PPDPF: variants seen among roughly 807,000 people sequenced by gnomAD.
PPDPF encodes pancreatic progenitor cell differentiation and proliferation factor.
PPDPF carries 11 observed loss-of-function variants against 6.3 expected under a neutral mutation model. The ratio of observed to expected loss-of-function variants is 1.76; its 90% confidence interval spans 1.11 to 2.91. The LOEUF (loss-of-function observed/expected upper bound fraction) is 2.91, where lower values mean the gene tolerates loss of function less well. Ranked by LOEUF, PPDPF falls within the 30% of genes most tolerant of loss-of-function variation. The pLI, the probability that PPDPF is intolerant of heterozygous loss-of-function variation, is 0.00. For synonymous variants in PPDPF, 86 were observed against 64.5 expected, an observed-to-expected ratio of 1.33 and a Z score of -1.60; for missense variants, 202 against 159.4, an observed-to-expected ratio of 1.27 and a Z score of -1.44.
rs1359500716 is a variant in PPDPF at position 63,521,312 on chromosome 20, G to A, written c.4G>A (p.Ala2Thr). M[A>T]AIPSSGSLVA... is the part of the protein sequence containing the mutation. ...CCACCAGCCAGCAAGCTAAAGCATG[G>A]CGGCCATCCCCTCCAGCGGCTCGCT... is the stretch of plus-strand genomic sequence containing the variant. Residue 2 changes from alanine to threonine, a missense_variant, in exon 2 of 4, where the codon GCG becomes ACG. Coordinates refer to ENST00000370179, the MANE Select transcript of PPDPF (RefSeq NM_024299.4). 6.2e-7 allele frequency: 1 copy of A among 1,610,242 alleles called. No homozygotes were observed. Among genetic ancestry groups the A allele is most frequent in the Non-Finnish European group, 8.5e-7 (1 of 1,178,836 alleles).
chr20:63,521,647 ACC>A lies in PPDPF; in HGVS notation c.134-18_134-17del. On this transcript the variant is annotated intron_variant, in intron 3 of 3. Coordinates refer to ENST00000370179, the MANE Select transcript of PPDPF (RefSeq NM_024299.4). ...TCCTCCAGGAGCTGGCAGCATCAAG[ACC>A]CCACTTCGCTTCTCTCAGGTCTCCC... 3 of 1,612,282 alleles carry A rather than the reference ACC, an allele frequency of 1.9e-6. No homozygotes were observed. The highest frequency in any genetic ancestry group is 2.5e-6 in the Non-Finnish European group (3 of 1,179,614).
chr20:63,521,106 C>A (rs1465543830), intron 1 of PPDPF, among the ~76,000 whole-genome samples, 178 bp from the exon 2 acceptor site: 1 of 152,074 alleles, frequency 6.6e-6, no homozygotes, highest in Non-Finnish European at 1.5e-5. Context: ...CTTTGTTCCA[C>A]CCGCTCGGCC....
intron 1 of PPDPF, 83 bp downstream of exon 1, chr20:63,520,977 C>A: frequency 1.0e-6 from 1 of 997,228 alleles, no homozygotes; most frequent in Non-Finnish European, 1.2e-6. Flanking sequence ...GGCTCCTCTC[C>A]TCTCCGCCTG....
chr20:63,521,417 G>GC, intron 2 of PPDPF, 54 bp downstream of exon 2: 3 of 1,589,966 alleles, frequency 1.9e-6, no homozygotes, highest in Non-Finnish European at 2.6e-6. Context: ...GCCAGTGCCG[G>GC]CCCCGTGCAG....
chr20:63,522,147 A>C lies in PPDPF; in HGVS notation c.*268A>C. On this transcript the variant is annotated 3_prime_UTR_variant, in exon 4 of 4. Coordinates refer to ENST00000370179, the MANE Select transcript of PPDPF (RefSeq NM_024299.4). ...TGCACCTGGCACCAAGCGGAAAATA[A>C]ACTCCAAGCAGCCAGTAGCCCCGAT... 3.9e-6 allele frequency: 2 copies of C among 516,736 alleles called. No homozygotes were observed. Among genetic ancestry groups the C allele is most frequent in the Non-Finnish European group, 7.2e-6 (2 of 278,634 alleles). The allele number at this position is 516,736 out of a possible 1,614,324, so 32.0% of individuals were successfully genotyped here.
At position 63,521,333 on chromosome 20, in the gene PPDPF, T is replaced by C. The variant is rs768798842; in HGVS notation, c.25T>C (p.Ser9Pro). Residue 9 changes from serine (S) to proline (P), a missense_variant, in exon 2 of 4, where the codon TCG (serine) becomes CCG (proline). By Grantham distance (74) the Ser-to-Pro change is moderately conservative. Coordinates refer to ENST00000370179, the MANE Select transcript of PPDPF (RefSeq NM_024299.4). ...CATGGCGGCCATCCCCTCCAGCGGC[T>C]CGCTCGTGGCCACCCACGACTACTA... is the stretch of plus-strand genomic sequence containing the variant. The part of the protein sequence containing the change: MAAIPSSG[S>P]LVATHDYYRR... 10 of 1,609,426 alleles carry C rather than the reference T, an allele frequency of 6.2e-6. No homozygotes were observed. Among genetic ancestry groups the C allele is most frequent in the Non-Finnish European group, 8.5e-6 (10 of 1,178,736 alleles).
Position 63,521,987 on chromosome 20 carries a change from C to T in PPDPF, c.*108C>T, listed in dbSNP as rs1281966500. The T allele has an allele frequency of 9.9e-6, 8 of 806,610 alleles. No homozygotes were observed. Among genetic ancestry groups the T allele is most frequent in the South Asian group, 1.7e-5 (1 of 58,660 alleles). 50.0% of individuals were successfully genotyped at this position (806,610 alleles called of 1,614,324 possible). On this transcript the variant is annotated 3_prime_UTR_variant, in exon 4 of 4. Coordinates refer to ENST00000370179, the MANE Select transcript of PPDPF (RefSeq NM_024299.4). ...CCCTCGCCCCCCTCCCCACCTCCCACCCCCCACCCTGTAAACTAGGCGGCT... is the reference window on the plus strand; with the variant it reads ...CCCTCGCCCCCCTCCCCACCTCCCATCCCCCACCCTGTAAACTAGGCGGCT...
chr20:63,521,563 C>T lies in PPDPF; in HGVS notation c.107C>T (p.Pro36Leu). Residue 36 changes from proline to leucine, a missense_variant, in exon 3 of 4, where the codon CCC (proline) becomes CTC (leucine). By Grantham distance (98) the Pro-to-Leu change is moderately conservative (BLOSUM62 -3). Coordinates refer to ENST00000370179, the MANE Select transcript of PPDPF (RefSeq NM_024299.4). ...AGCTCCTGCAGCAGTACCGAGTGCC[C>T]CGGGGAAGCCATTCCCCACCCCCCA... The part of the protein sequence containing the change: ...SNSSCSSTEC[P>L]GEAIPHPPGL... The T allele has an allele frequency of 1.9e-6, 3 of 1,606,876 alleles. No individual in the cohort carries two copies. The highest frequency in any genetic ancestry group is 2.5e-6 in the Non-Finnish European group (3 of 1,176,484).
intron 1 of PPDPF, 119 bp downstream of exon 1, chr20:63,521,013 G>A: frequency 1.2e-6 from 1 of 822,812 alleles, no homozygotes; most frequent in Non-Finnish European, 1.6e-6. Context: ...GGGGTCCCCG[G>A]CGGGCTCCTC....
In PPDPF at chr20:63,521,334, C is replaced by G. The variant is rs138230076; in HGVS notation, c.26C>G (p.Ser9Trp). The part of the protein sequence containing the change: MAAIPSSG[S>W]LVATHDYYRR... The stretch of plus-strand genomic sequence containing the variant: ...ATGGCGGCCATCCCCTCCAGCGGCT[C>G]GCTCGTGGCCACCCACGACTACTAC... Residue 9 changes from serine to tryptophan, a missense_variant, in exon 2 of 4, where the codon TCG (serine) becomes TGG (tryptophan). Ser to Trp is a radical substitution (Grantham distance 177, BLOSUM62 -3). Coordinates refer to ENST00000370179, the MANE Select transcript of PPDPF (RefSeq NM_024299.4). The G allele has an allele frequency of 3.7e-6, 6 of 1,609,360 alleles. No individual in the cohort carries two copies. In the Admixed American group the frequency reaches 5.0e-5, roughly 13 times the overall value.
At position 63,521,674 on chromosome 20, in the gene PPDPF, C is replaced by T. The variant is rs2082548481; in HGVS notation, c.140C>T (p.Pro47Leu). Residue 47 changes from proline (P) to leucine (L), a missense_variant, in exon 4 of 4, where the codon CCC becomes CTC. Transcript: ENST00000370179. The part of the protein sequence containing the change: ...GEAIPHPPGL[P>L]KADPGHWWAS... ...CCCACTTCGCTTCTCTCAGGTCTCC[C>T]CAAGGCTGACCCGGGTCATTGGTGG... The T allele has an allele frequency of 1.9e-6, 3 of 1,613,390 alleles. No individual in the cohort carries two copies. Among genetic ancestry groups the T allele is most frequent in the African/African-American group, 2.7e-5 (2 of 74,926 alleles).
intron 1 of PPDPF, 83 bp downstream of exon 1, chr20:63,520,977 C>T (rs2082539169): frequency 4.0e-6 from 4 of 997,228 alleles, no homozygotes; most frequent in African/African-American, 3.4e-5. Context: ...GGCTCCTCTC[C>T]TCTCCGCCTG....
rs1415130781 is a variant in PPDPF, at chr20:63,521,517, C to G, written c.61C>G (p.Leu21Val). The stretch of plus-strand genomic sequence containing the variant: ...ACGGGACCTCTCCTCTCCAGGCCGC[C>G]TGGGTTCCACTTCCAGCAACAGCTC... Reference protein sequence around the residue: ...VATHDYYRRRLGSTSSNSSCS... With the variant: ...VATHDYYRRRVGSTSSNSSCS... Residue 21 changes from leucine (L) to valine (V), a missense_variant, in exon 3 of 4, where the codon CTG (leucine) becomes GTG (valine). Coordinates refer to ENST00000370179, the MANE Select transcript of PPDPF (RefSeq NM_024299.4). 2 of 1,578,108 alleles carry G rather than the reference C, an allele frequency of 1.3e-6. No homozygotes were observed. Among genetic ancestry groups the G allele is most frequent in the Non-Finnish European group, 1.7e-6 (2 of 1,160,778 alleles).
chr20:63,521,894 A>G lies in PPDPF; in HGVS notation c.*15A>G. On this transcript the variant is annotated 3_prime_UTR_variant, in exon 4 of 4. Coordinates refer to ENST00000370179, the MANE Select transcript of PPDPF (RefSeq NM_024299.4). The stretch of plus-strand genomic sequence containing the variant: ...CCCCGTCCTGACCTGAGCGGTTACC[A>G]CCAGCCCCAGGCCTGCGGAGGCGCT... The G allele has an allele frequency of 6.4e-7, 1 of 1,558,570 alleles. No individual in the cohort carries two copies. The highest frequency in any genetic ancestry group is 8.7e-7 in the Non-Finnish European group (1 of 1,152,724).
At chr20:63,520,922 G>A (rs1370455492) in intron 1 of PPDPF, 28 bp downstream of exon 1, 7 of 1,008,718 alleles carry the variant, frequency 6.9e-6, no homozygotes, top group East Asian at 9.7e-5. Flanking sequence ...CGGGTGGGAC[G>A]AGCAGGCCCG....
upstream of PPDPF, chr20:63,520,749 G>T (rs1179112758): frequency 1.0e-6 from 1 of 972,660 alleles, no homozygotes; most frequent in Non-Finnish European, 1.2e-6. Context: ...ATAAGTGGGC[G>T]CGTCCGCGCG....
At chr20:63,521,139 C>G in intron 1 of PPDPF, 145 bp from the exon 2 acceptor site, 1 of 916,378 alleles carries the variant, frequency 1.1e-6, no homozygotes, top group Non-Finnish European at 1.6e-6. Flanking sequence ...TTGGAGCCGC[C>G]CGCGCCCCGC....
Position 63,521,762 on chromosome 20 carries a change from G to A in PPDPF, c.228G>A (p.Glu76=), listed in dbSNP as rs372695699. The stretch of plus-strand genomic sequence containing the variant: ...TGGCCACGGTGTTGGAGTCCGCAGA[G>A]CACTCGGAACCTCCCCAGGCCTCCA... ...PFMATVLESA[E]HSEPPQASSS... is the part of the protein sequence containing the mutation. The change falls in exon 4 of 4, where the codon GAG becomes GAA. Residue 76 remains glutamate, a synonymous_variant. Transcript: ENST00000370179. 6.2e-6 allele frequency: 10 copies of A among 1,612,924 alleles called. No individual in the cohort carries two copies. The African/African-American group carries it at 8.0e-5, about 13-fold the overall frequency.
rs1445211671 is a variant in PPDPF at position 63,521,366 on chromosome 20, G to T, written c.55+3G>T. The T allele has an allele frequency of 1.9e-6, 3 of 1,608,902 alleles. No individual in the cohort carries two copies. In the East Asian group the frequency reaches 6.7e-5, roughly 36 times the overall value. ...GGCCACCCACGACTACTACCGGCGT[G>T]AGTAGCCCCTGCCCCCCATCCACGC... On this transcript the variant is annotated splice_donor_region_variant and intron_variant, in intron 2 of 3. Transcript: ENST00000370179.
Sources: allele counts gnomAD v4.1 joint callset (sites outside exome capture counted in the v4.1 genomes callset), GRCh38; gene constraint gnomAD v4.1.1; transcripts MANE v1.5; gene names NCBI Gene and HGNC (gene_info 2026-07-23, HGNC 2026-07-21).